IQSEC1: variants seen among roughly 807,000 people sequenced by gnomAD.
IQSEC1 encodes IQ motif and Sec7 domain ArfGEF 1.
In IQSEC1, 31 loss-of-function variants were observed where a neutral mutation model predicts 91.0. That is an observed-to-expected ratio of 0.34 (90% confidence interval 0.26 to 0.46). The LOEUF is 0.46. IQSEC1 is among the 20% of genes least tolerant of loss of function. The pLI, the probability that IQSEC1 is intolerant of heterozygous loss-of-function variation, is 1.00. For synonymous variants in IQSEC1, 699 were observed against 662.6 expected (o/e 1.05, Z -0.84); for missense variants, 1,388 against 1,575.6 (o/e 0.88, Z 2.02).
intron 2 of IQSEC1, among the ~76,000 whole-genome samples, chr3:13,117,759 C>A (rs921886684): frequency 6.7e-6 from 1 of 149,572 alleles, no homozygotes; most frequent in Non-Finnish European, 1.5e-5. Flanking sequence ...GTAGAGTGCA[C>A]CTGTAGTCCC....
intron 1 of IQSEC1, among the ~76,000 whole-genome samples, chr3:13,165,329 C>A (rs1432389506): frequency 1.3e-5 from 2 of 152,156 alleles, no homozygotes; most frequent in Non-Finnish European, 2.9e-5. Flanking sequence ...CCTGTGGCAT[C>A]TCCTTGACCC....
At chr3:13,219,093 C>G (rs1694604304) in intron 1 of IQSEC1, among the ~76,000 whole-genome samples, 1 of 152,180 alleles carries the variant, frequency 6.6e-6, no homozygotes, top group Non-Finnish European at 1.5e-5. Context: ...TCGGGCCCTT[C>G]TACAATTTGT....
At chr3:13,112,790 C>T (rs1368004296) in intron 2 of IQSEC1, among the ~76,000 whole-genome samples, 1 of 152,228 alleles carries the variant, frequency 6.6e-6, no homozygotes, top group Admixed American at 6.5e-5. Context: ...GACCACAGGG[C>T]CCAGGTGACA....
intron 1 of IQSEC1, among the ~76,000 whole-genome samples, chr3:12,966,596 C>T (rs1038384511): frequency 3.3e-5 from 5 of 152,128 alleles, no homozygotes; most frequent in Admixed American, 1.3e-4. Context: ...CTCAGACAGC[C>T]GCCCACAGGC....
chr3:13,204,958 G>A (rs1284942309), intron 1 of IQSEC1, among the ~76,000 whole-genome samples: 3 of 151,692 alleles, frequency 2.0e-5, no homozygotes, highest in Non-Finnish European at 4.4e-5. Flanking sequence ...GCACCACCAC[G>A]CCGGGCTTTT....
At position 12,913,536 on chromosome 3, in the gene IQSEC1, G is replaced by C; in HGVS notation, c.2208C>G (p.His736Gln). The C allele has an allele frequency of 6.2e-7, 1 of 1,605,268 alleles. No homozygotes were observed. The highest frequency in any genetic ancestry group is 8.5e-7 in the Non-Finnish European group (1 of 1,174,282). ...PGLGCVLSLP[H>Q]RRLVCYCRLF... The stretch of plus-strand genomic sequence containing the variant: ...GCCGGCAGTAGCAGACCAACCGACG[G>C]TGGGGCAGAGAGAGCACCTGTGTGG... The change falls in exon 9 of 14, where the codon CAC becomes CAG. Residue 736 changes from histidine to glutamine, a missense_variant. His to Gln is a conservative substitution (Grantham distance 24). Coordinates refer to ENST00000613206, the MANE Select transcript of IQSEC1 (RefSeq NM_001134382.3).
intron 1 of IQSEC1, among the ~76,000 whole-genome samples, chr3:13,275,695 G>A (rs1221600354): frequency 2.0e-5 from 3 of 152,220 alleles, no homozygotes; most frequent in Non-Finnish European, 4.4e-5. Context: ...CCCTTCCTCC[G>A]TGGCCTGATC....
chr3:13,099,258 C>A (rs545037354), intron 2 of IQSEC1, among the ~76,000 whole-genome samples: 1 of 152,300 alleles, frequency 6.6e-6, no homozygotes, highest in East Asian at 1.9e-4. Flanking sequence ...CAGTGAGGCA[C>A]ATCGGCTATA....
At chr3:13,096,252 C>A (rs1181350533) in intron 2 of IQSEC1, among the ~76,000 whole-genome samples, 2 of 152,338 alleles carry the variant, frequency 1.3e-5, no homozygotes, top group East Asian at 3.9e-4. Context: ...ACAGGTAAGA[C>A]CTCCAGGCTA....
chr3:13,262,130 G>A (rs114654009), intron 1 of IQSEC1, among the ~76,000 whole-genome samples: 1,721 of 152,264 alleles, frequency 0.011, 19 homozygotes, highest in Non-Finnish European at 0.018. Context: ...GTCATGAGCC[G>A]CTGGACCTGA....
chr3:12,991,538 G>A (rs567596080), intron 1 of IQSEC1, among the ~76,000 whole-genome samples: 1 of 152,088 alleles, frequency 6.6e-6, no homozygotes, highest in East Asian at 1.9e-4. Context: ...CTCCCCACCT[G>A]CCTAATTATG....
intron 1 of IQSEC1, among the ~76,000 whole-genome samples, chr3:12,953,285 C>T (rs985070857): frequency 6.6e-6 from 1 of 152,218 alleles, no homozygotes; most frequent in Admixed American, 6.5e-5. Flanking sequence ...CGGGGCAGCC[C>T]GACCCGATCC....
intron 1 of IQSEC1, among the ~76,000 whole-genome samples, chr3:13,236,005 T>C (rs933082401): frequency 6.6e-6 from 1 of 152,090 alleles, no homozygotes; most frequent in Non-Finnish European, 1.5e-5. Context: ...CCTTAAGAGT[T>C]TGTCTCCTGA....
intron 1 of IQSEC1, among the ~76,000 whole-genome samples, chr3:13,263,861 C>T (rs114021249): frequency 0.018 from 2,736 of 152,228 alleles, 78 homozygotes; most frequent in African/African-American, 0.063. Context: ...TTGCTGGTGA[C>T]CTCAGCCAAG....
At chr3:12,963,281 C>T (rs1042264688) in intron 1 of IQSEC1, among the ~76,000 whole-genome samples, 9 of 152,192 alleles carry the variant, frequency 5.9e-5, no homozygotes, top group South Asian at 2.1e-4. Context: ...GGAGATAAAA[C>T]GGAAAGAATG....
intron 2 of IQSEC1, among the ~76,000 whole-genome samples, chr3:13,110,055 G>C (rs1706217305): frequency 6.6e-6 from 1 of 151,386 alleles, no homozygotes; most frequent in Non-Finnish European, 1.5e-5. Flanking sequence ...GCTAGTTTTT[G>C]TATTTTTAGT....
chr3:12,915,274 C>A, intron 7 of IQSEC1, 141 bp from the exon 8 acceptor site: 1 of 1,015,158 alleles, frequency 9.9e-7, no homozygotes, highest in Non-Finnish European at 1.5e-6. Context: ...TCTGGCAGAG[C>A]TCTCTGAGGG....
rs766399705 is a variant in IQSEC1 at position 13,156,550 on chromosome 3, TC to T, written c.302+7553del. On this transcript the variant is annotated intron_variant, in intron 2 of 15. Coordinates refer to the IQSEC1 transcript ENST00000648114. ...AAGCTTAGCACATTTAGCTCTGGCC[TC>T]CTTCCAGAGGTGCTCCCCTTGGATG... is the stretch of plus-strand genomic sequence containing the variant. Among the ~76,000 whole-genome samples, 22 of 152,368 alleles carry T rather than the reference TC, an allele frequency of 1.4e-4. 2 individuals carry two copies. Among genetic ancestry groups the T allele is most frequent in the Admixed American group, 7.8e-4 (12 of 15,306 alleles).
chr3:13,199,946 C>T (rs112044885), intron 1 of IQSEC1, among the ~76,000 whole-genome samples: 11 of 149,774 alleles, frequency 7.3e-5, no homozygotes, highest in African/African-American at 2.2e-4. Context: ...CACACACACA[C>T]ACCATACACA....
Sources: gnomAD v4.1 joint callset for allele counts (sites outside exome capture counted in the v4.1 genomes callset) on GRCh38, gnomAD v4.1.1 for gene constraint, MANE v1.5 for transcripts, NCBI Gene and HGNC (gene_info 2026-07-23, HGNC 2026-07-21) for gene names.